Variants in TBC1D22A observed in about 807,000 individuals in gnomAD.
TBC1D22A encodes TBC1 domain family member 22A.
A neutral mutation model predicts 60.2 loss-of-function variants in TBC1D22A; 38 were observed. That is an observed-to-expected ratio of 0.63 (90% CI 0.49 to 0.83). The LOEUF (loss-of-function observed/expected upper bound fraction) is 0.83. TBC1D22A is among the 40% of genes least tolerant of loss of function. TBC1D22A has a pLI of 0.00. For synonymous variants in TBC1D22A, 302 were observed against 281.7 expected (o/e 1.07, Z -0.72); for missense variants, 628 against 701.0 (o/e 0.90, Z 1.18).
chr22:47,089,106 T>C (rs984341168), intron 11 of TBC1D22A, among the ~76,000 whole-genome samples: 1 of 151,988 alleles, frequency 6.6e-6, no homozygotes, highest in Non-Finnish European at 1.5e-5. Flanking sequence ...TTTAAATGAG[T>C]AAGAGAGTTG....
chr22:46,969,269 T>C (rs1011280331), intron 8 of TBC1D22A, among the ~76,000 whole-genome samples: 1 of 152,180 alleles, frequency 6.6e-6, no homozygotes, highest in African/African-American at 2.4e-5. Flanking sequence ...TCCCTTTTAC[T>C]CTCTGCCCTT....
intron 11 of TBC1D22A, among the ~76,000 whole-genome samples, chr22:47,080,212 A>G (rs535444022): frequency 1.5e-3 from 224 of 152,340 alleles, no homozygotes; most frequent in African/African-American, 5.1e-3. Context: ...GATGGCATGA[A>G]GAGACCAAAA....
chr22:46,916,144 A>G, intron 8 of TBC1D22A: 1 of 410,398 alleles, frequency 2.4e-6, no homozygotes, highest in Non-Finnish European at 4.3e-6. Context: ...CTAAGCAACT[A>G]ATGAGAGCTG....
chr22:46,950,405 C>CT, intron 8 of TBC1D22A, among the ~76,000 whole-genome samples: 1 of 152,282 alleles, frequency 6.6e-6, no homozygotes, highest in South Asian at 2.1e-4. Context: ...ATTCAACACT[C>CT]TTAGTCAAAA....
chr22:47,159,635 T>C (rs1290574150), intron 12 of TBC1D22A, among the ~76,000 whole-genome samples: 1 of 149,554 alleles, frequency 6.7e-6, no homozygotes, highest in East Asian at 2.0e-4. Flanking sequence ...ACACCACACA[T>C]GCACCACATA....
At chr22:46,973,209 C>T (rs1171549589) in intron 8 of TBC1D22A, among the ~76,000 whole-genome samples, 4 of 152,214 alleles carry the variant, frequency 2.6e-5, no homozygotes, top group South Asian at 2.1e-4. Flanking sequence ...TCAGGGAGCA[C>T]TTAGGGACCT....
intron 4 of TBC1D22A, among the ~76,000 whole-genome samples, chr22:46,840,859 C>T (rs775365270): frequency 6.6e-6 from 1 of 152,000 alleles, no homozygotes; most frequent in Admixed American, 6.6e-5. Context: ...GGAGGGTCCT[C>T]AAAAAATTTA....
At chr22:46,977,483 G>C (rs189764039) in intron 9 of TBC1D22A, among the ~76,000 whole-genome samples, 1 of 152,210 alleles carries the variant, frequency 6.6e-6, no homozygotes, top group East Asian at 1.9e-4. Context: ...TGATGGAGGC[G>C]AGGACAGAAT....
intron 5 of TBC1D22A, among the ~76,000 whole-genome samples, chr22:46,884,001 T>A (rs2067982738): frequency 6.6e-6 from 1 of 152,224 alleles, no homozygotes; most frequent in African/African-American, 2.4e-5. Flanking sequence ...ACAGGATCTC[T>A]GCACGTCGTG....
At chr22:46,942,182 G>A (rs954015350) in intron 8 of TBC1D22A, among the ~76,000 whole-genome samples, 3 of 151,998 alleles carry the variant, frequency 2.0e-5, no homozygotes, top group African/African-American at 7.3e-5. Context: ...ACAGGACTAG[G>A]CAGGCTGCCC....
chr22:46,876,699 C>T (rs568422945), intron 4 of TBC1D22A, among the ~76,000 whole-genome samples: 2 of 152,208 alleles, frequency 1.3e-5, no homozygotes, highest in African/African-American at 2.4e-5. Flanking sequence ...TAAGTAGGCG[C>T]CTAGGCCCAT....
chr22:46,792,727 G>A (rs1842882948), intron 2 of TBC1D22A, 151 bp downstream of exon 2: 1 of 1,547,766 alleles, frequency 6.5e-7, no homozygotes, highest in South Asian at 1.2e-5. Context: ...CAGTCGCTTT[G>A]TGTGAGATAC....
intron 7 of TBC1D22A, among the ~76,000 whole-genome samples, chr22:46,909,872 G>A (rs1302465460): frequency 2.0e-5 from 3 of 152,204 alleles, no homozygotes; most frequent in African/African-American, 7.2e-5. Flanking sequence ...CGGCAGGGCT[G>A]GGGCTGCGCG....
At chr22:46,920,988 C>A (rs1358813427) in intron 8 of TBC1D22A, among the ~76,000 whole-genome samples, 1 of 152,048 alleles carries the variant, frequency 6.6e-6, no homozygotes. Context: ...CCAGGCTGGT[C>A]TCGAACTCCT....
At chr22:47,131,138 T>TG (rs1413025902) in intron 12 of TBC1D22A, among the ~76,000 whole-genome samples, 8 of 152,188 alleles carry the variant, frequency 5.3e-5, no homozygotes, top group Non-Finnish European at 1.0e-4. Context: ...AAGCCATTCG[T>TG]GAGGGAACCA....
In TBC1D22A at chr22:47,173,756, G is replaced by C. The variant is rs2068582093; in HGVS notation, c.*130G>C. 1.7e-5 allele frequency: 24 copies of C among 1,422,426 alleles called. No homozygotes were observed. Among genetic ancestry groups the C allele is most frequent in the Middle Eastern group, 4.1e-4 (2 of 4,836 alleles). The allele number at this position is 1,422,426 out of a possible 1,614,324, so 88.1% of individuals were successfully genotyped here. On this transcript the variant is annotated 3_prime_UTR_variant, in exon 13 of 13. Transcript: ENST00000337137. ...TGTGAGGTGGCCCCACCCTCCAGGG[G>C]AGCTGGTGAAGATGGGCCACAGACC... is the stretch of plus-strand genomic sequence containing the variant.
intron 7 of TBC1D22A, among the ~76,000 whole-genome samples, chr22:46,908,769 G>A (rs1336325892): frequency 1.3e-5 from 2 of 152,168 alleles, no homozygotes; most frequent in Admixed American, 6.5e-5. Context: ...CACTCACTTG[G>A]CAGGTGCTTC....
intron 12 of TBC1D22A, among the ~76,000 whole-genome samples, chr22:47,140,522 C>T (rs2067041219): frequency 6.7e-6 from 1 of 150,366 alleles, no homozygotes; most frequent in Non-Finnish European, 1.5e-5. Context: ...CCACTGCACT[C>T]CAGCCTGGGT....
At chr22:46,962,869 A>G (rs2073585222) in intron 8 of TBC1D22A, among the ~76,000 whole-genome samples, 1 of 152,158 alleles carries the variant, frequency 6.6e-6, no homozygotes, top group African/African-American at 2.4e-5. Context: ...TTCCCTCTTT[A>G]TTTAGTATTG....
Sources: allele counts gnomAD v4.1 joint callset (sites outside exome capture counted in the v4.1 genomes callset), GRCh38; gene constraint gnomAD v4.1.1; transcripts MANE v1.5; gene names NCBI Gene and HGNC (gene_info 2026-07-23, HGNC 2026-07-21).